Variants in TMEM117 observed in about 807,000 individuals in gnomAD.
TMEM117 encodes transmembrane protein 117.
In TMEM117, 27 loss-of-function variants were observed where a neutral mutation model predicts 52.4. The observed-to-expected ratio is 0.51, with a 90% confidence interval of 0.38 to 0.71. The LOEUF is 0.71. Ranked by LOEUF, TMEM117 falls within the 30% of genes least tolerant of loss-of-function variation. The pLI, the probability that TMEM117 is intolerant of heterozygous loss-of-function variation, is 0.00. For synonymous variants in TMEM117, 215 were observed against 206.3 expected (o/e 1.04, Z -0.36); for missense variants, 556 against 630.5 (o/e 0.88, Z 1.26).
At chr12:44,130,031 G>A (rs1948388866) in intron 3 of TMEM117, among the ~76,000 whole-genome samples, 1 of 151,918 alleles carries the variant, frequency 6.6e-6, no homozygotes, top group South Asian at 2.1e-4. Context: ...GGCACCATCC[G>A]ATCCAACATA....
intron 4 of TMEM117, among the ~76,000 whole-genome samples, chr12:44,206,277 G>A (rs1429811708): frequency 1.3e-5 from 2 of 152,174 alleles, no homozygotes; most frequent in African/African-American, 4.8e-5. Flanking sequence ...TTGTGGTTTA[G>A]GAATGCCTTG....
intron 3 of TMEM117, among the ~76,000 whole-genome samples, chr12:43,996,756 C>A (rs887806594): frequency 6.6e-6 from 1 of 152,138 alleles, no homozygotes; most frequent in African/African-American, 2.4e-5. Flanking sequence ...CAGCCATCAT[C>A]TTGTATAACC....
At chr12:43,887,905 G>A (rs1266739743) in intron 2 of TMEM117, among the ~76,000 whole-genome samples, 1 of 152,180 alleles carries the variant, frequency 6.6e-6, no homozygotes, top group East Asian at 1.9e-4. Flanking sequence ...TTGTTTCATA[G>A]TGAGGATCAA....
At chr12:43,965,789 C>T (rs990716765) in intron 3 of TMEM117, among the ~76,000 whole-genome samples, 2 of 152,022 alleles carry the variant, frequency 1.3e-5, no homozygotes, top group Non-Finnish European at 2.9e-5. Context: ...GGTACATGTG[C>T]GGGTTTGTTA....
chr12:43,903,127 G>T (rs1296937078), intron 2 of TMEM117, among the ~76,000 whole-genome samples: 1 of 152,066 alleles, frequency 6.6e-6, no homozygotes. Flanking sequence ...AATATTATCA[G>T]ACCTCTCTTG....
At chr12:44,055,960 G>A (rs568644009) in intron 3 of TMEM117, among the ~76,000 whole-genome samples, 19 of 152,034 alleles carry the variant, frequency 1.2e-4, no homozygotes, top group Non-Finnish European at 2.8e-4. Flanking sequence ...TAAACACTCA[G>A]CATAATTGTT....
At chr12:43,832,315 T>A (rs1004798441), upstream of TMEM117, among the ~76,000 whole-genome samples, 1 of 152,196 alleles carries the variant, frequency 6.6e-6, no homozygotes, top group African/African-American at 2.4e-5. Context: ...TGACTACCTA[T>A]TACATGGCAG....
At chr12:44,106,952 T>G (rs922865235) in intron 3 of TMEM117, among the ~76,000 whole-genome samples, 13 of 152,064 alleles carry the variant, frequency 8.5e-5, no homozygotes, top group Non-Finnish European at 1.9e-4. Context: ...TTATTGCTAT[T>G]ATACTACTAA....
intron 6 of TMEM117, among the ~76,000 whole-genome samples, chr12:44,308,511 A>G (rs1950931814): frequency 6.6e-6 from 1 of 152,160 alleles, no homozygotes; most frequent in Admixed American, 6.5e-5. Context: ...TGCTATTGGC[A>G]CCCAAACTCA....
At chr12:44,237,148 A>G (rs1201158258) in intron 5 of TMEM117, among the ~76,000 whole-genome samples, 2 of 152,038 alleles carry the variant, frequency 1.3e-5, no homozygotes, top group Admixed American at 6.6e-5. Flanking sequence ...TTTTTCAGCA[A>G]GGGGTTTGAT....
At chr12:43,820,332 G>A in the TMEM117 span, among the ~76,000 whole-genome samples, 1 of 152,210 alleles carries the variant, frequency 6.6e-6, no homozygotes, top group East Asian at 1.9e-4. Flanking sequence ...GGAGTGCAGT[G>A]GCACAGTCGC....
chr12:43,858,250 T>G (rs572189254), intron 2 of TMEM117, among the ~76,000 whole-genome samples: 5 of 152,200 alleles, frequency 3.3e-5, no homozygotes, highest in African/African-American at 7.2e-5. Context: ...AATTGGAACA[T>G]AAACCGAAGC....
intron 7 of TMEM117, among the ~76,000 whole-genome samples, chr12:44,381,726 T>A (rs561913772): frequency 6.6e-6 from 1 of 152,292 alleles, no homozygotes; most frequent in South Asian, 2.1e-4. Flanking sequence ...TGTTTTACAA[T>A]GGTGAGAATG....
chr12:44,019,002 G>A (rs1333925760), intron 3 of TMEM117, among the ~76,000 whole-genome samples: 2 of 152,088 alleles, frequency 1.3e-5, no homozygotes, highest in Non-Finnish European at 2.9e-5. Context: ...GTGCCCAGCC[G>A]ATTAACTCTA....
intron 2 of TMEM117, among the ~76,000 whole-genome samples, chr12:43,933,597 C>G (rs1944906376): frequency 2.0e-5 from 3 of 151,820 alleles, no homozygotes; most frequent in Admixed American, 6.6e-5. Context: ...TGGAGTCTCA[C>G]TCTGTCGCCA....
intron 7 of TMEM117, among the ~76,000 whole-genome samples, chr12:44,385,556 C>T (rs1001156277): frequency 6.6e-6 from 1 of 152,056 alleles, no homozygotes; most frequent in African/African-American, 2.4e-5. Context: ...GCTATAATTG[C>T]ACCACTGTGC....
chr12:44,367,759 C>T (rs1277311257), intron 6 of TMEM117, among the ~76,000 whole-genome samples: 1 of 152,062 alleles, frequency 6.6e-6, no homozygotes, highest in East Asian at 1.9e-4. Flanking sequence ...GGATTTCTTA[C>T]CCACTTCTCT....
intron 4 of TMEM117, among the ~76,000 whole-genome samples, chr12:44,165,039 C>A (rs184791888): frequency 6.6e-6 from 1 of 151,914 alleles, no homozygotes; most frequent in East Asian, 1.9e-4. Context: ...ACATTTGTAC[C>A]CATTAACCAA....
intron 6 of TMEM117, 134 bp downstream of exon 6, chr12:44,299,873 G>A (rs548148619): frequency 3.6e-4 from 419 of 1,161,906 alleles, no homozygotes; most frequent in Non-Finnish European, 4.8e-4. Flanking sequence ...GGCCTTCTCT[G>A]TTTATATTTT....
Sources: allele counts gnomAD v4.1 joint callset (sites outside exome capture counted in the v4.1 genomes callset), GRCh38; gene constraint gnomAD v4.1.1; transcripts MANE v1.5; gene names NCBI Gene and HGNC (gene_info 2026-07-23, HGNC 2026-07-21).